PITPNB: variants seen among roughly 807,000 people sequenced by gnomAD.
PITPNB encodes phosphatidylinositol transfer protein beta.
Under a neutral mutation model 45.9 loss-of-function variants are expected in PITPNB, and 16 were observed. That is an observed-to-expected ratio of 0.35 (90% confidence interval 0.24 to 0.53). The LOEUF is 0.53. Ranked by LOEUF, PITPNB falls within the 20% of genes least tolerant of loss-of-function variation. The pLI is 0.93. For missense variants in PITPNB, 188 were observed against 330.5 expected (o/e 0.57, Z 3.34); for synonymous variants, 112 against 108.9 (o/e 1.03, Z -0.18).
intron 10 of PITPNB, among the ~76,000 whole-genome samples, chr22:27,856,315 G>A (rs913703464): frequency 4.6e-5 from 7 of 152,124 alleles, no homozygotes; most frequent in African/African-American, 1.2e-4. Context: ...CCTTCTTCTC[G>A]AGTGCAATTC....
At chr22:27,907,213 G>T (rs1272664600) in intron 3 of PITPNB, among the ~76,000 whole-genome samples, 1 of 152,242 alleles carries the variant, frequency 6.6e-6, no homozygotes, top group African/African-American at 2.4e-5. Context: ...CTATGGGTAT[G>T]TCTTCAGCAT....
chr22:27,893,784 T>A (rs538109654), intron 7 of PITPNB, among the ~76,000 whole-genome samples: 10 of 152,112 alleles, frequency 6.6e-5, no homozygotes, highest in Non-Finnish European at 1.2e-4. Context: ...AGAGACAGGA[T>A]CTCACTATGT....
At chr22:27,878,327 C>T (rs1223350644) in intron 7 of PITPNB, among the ~76,000 whole-genome samples, 1 of 152,070 alleles carries the variant, frequency 6.6e-6, no homozygotes, top group Non-Finnish European at 1.5e-5. Flanking sequence ...GAATAACTAA[C>T]TCAAGCTGAC....
intron 7 of PITPNB, among the ~76,000 whole-genome samples, chr22:27,880,032 T>C (rs1012390165): frequency 2.6e-5 from 4 of 152,210 alleles, no homozygotes; most frequent in Admixed American, 6.5e-5. Context: ...TGCTACCATT[T>C]TGAAGCACAC....
At chr22:27,903,596 G>A (rs1935671936) in intron 3 of PITPNB, among the ~76,000 whole-genome samples, 1 of 151,402 alleles carries the variant, frequency 6.6e-6, no homozygotes, top group Non-Finnish European at 1.5e-5. Flanking sequence ...GGGCAATACA[G>A]GGAGACCCCC....
intron 7 of PITPNB, among the ~76,000 whole-genome samples, chr22:27,884,423 C>T (rs1241174079): frequency 1.3e-5 from 2 of 152,200 alleles, no homozygotes; most frequent in Non-Finnish European, 1.5e-5. Context: ...AAACTTACTG[C>T]GTAGCCCACA....
At chr22:27,896,317 C>A (rs1935429602) in intron 6 of PITPNB, among the ~76,000 whole-genome samples, 1 of 152,180 alleles carries the variant, frequency 6.6e-6, no homozygotes, top group East Asian at 1.9e-4. Context: ...CTCTCCTTGT[C>A]TCGGATAAAG....
At chr22:27,883,074 TCAG>T (rs1186256357) in intron 7 of PITPNB, among the ~76,000 whole-genome samples, 1 of 152,184 alleles carries the variant, frequency 6.6e-6, no homozygotes, top group Non-Finnish European at 1.5e-5. Context: ...ACATCAGAGT[TCAG>T]CAGTTGTGGG....
At chr22:27,890,079 G>A (rs113115398) in intron 7 of PITPNB, among the ~76,000 whole-genome samples, 2,557 of 152,202 alleles carry the variant, frequency 0.017, 37 homozygotes, top group African/African-American at 0.038. Context: ...GTCAATGCCT[G>A]TGAAAGTGGA....
chr22:27,895,951 C>T (rs1935419166), intron 6 of PITPNB, among the ~76,000 whole-genome samples: 1 of 152,222 alleles, frequency 6.6e-6, no homozygotes, highest in Admixed American at 6.5e-5. Context: ...ACCTATACAA[C>T]AGGACTTCCC....
Position 27,911,044 on chromosome 22 carries a change from T to G in PITPNB, c.117A>C (p.Gly39=). The G allele has an allele frequency of 1.2e-6, 2 of 1,610,672 alleles. No individual in the cohort carries two copies. Among genetic ancestry groups the G allele is most frequent in the Non-Finnish European group, 1.7e-6 (2 of 1,176,890 alleles). ...ASKNETGGGE[G]IEVLKNEPYE... ...AAGGTTCATTCTTTAAGACTTCAAT[T>G]CCTTCTCCACCACCAGTCTCATTCT... is the stretch of plus-strand genomic sequence containing the variant. Residue 39 remains glycine (G), a synonymous_variant, in exon 3 of 12, where the codon GGA becomes GGC. Transcript: ENST00000335272.
At chr22:27,871,892 C>G (rs9620747) in intron 8 of PITPNB, among the ~76,000 whole-genome samples, 6,277 of 152,060 alleles carry the variant, frequency 0.041, 199 homozygotes, top group South Asian at 0.11. Context: ...TGAGCTCTCA[C>G]TCTGAGTTCA....
chr22:27,875,220 C>A (rs1456231651), intron 7 of PITPNB, among the ~76,000 whole-genome samples: 1 of 152,242 alleles, frequency 6.6e-6, no homozygotes, highest in Non-Finnish European at 1.5e-5. Flanking sequence ...AAAGGACCAA[C>A]AATAAGCTCA....
chr22:27,873,593 C>G, intron 8 of PITPNB, 145 bp downstream of exon 8: 1 of 599,886 alleles, frequency 1.7e-6, no homozygotes, highest in Non-Finnish European at 3.0e-6. Flanking sequence ...CCAACTGCAA[C>G]TGGCTGTAAG....
At chr22:27,898,124 C>T (rs1935486059) in intron 3 of PITPNB, 4 of 433,718 alleles carry the variant, frequency 9.2e-6, no homozygotes, top group Non-Finnish European at 1.7e-5. Context: ...GCCTGTAATC[C>T]TAGCATTTTG....
intron 3 of PITPNB, among the ~76,000 whole-genome samples, chr22:27,903,453 G>T (rs548810417): frequency 1.5e-5 from 2 of 136,970 alleles, no homozygotes; most frequent in South Asian, 4.7e-4. Context: ...TGGGCAACAA[G>T]AGTGAAACTG....
chr22:27,861,447 A>G (rs970518784), intron 8 of PITPNB, among the ~76,000 whole-genome samples: 1 of 152,176 alleles, frequency 6.6e-6, no homozygotes, highest in Non-Finnish European at 1.5e-5. Flanking sequence ...ATTTTCAGGA[A>G]GGAGTGAGTG....
intron 9 of PITPNB, among the ~76,000 whole-genome samples, chr22:27,859,167 T>C (rs1328167856): frequency 1.3e-5 from 2 of 152,206 alleles, no homozygotes; most frequent in Non-Finnish European, 2.9e-5. Flanking sequence ...TCTTCTTCCA[T>C]GAATAGAAAG....
chr22:27,896,145 G>C (rs73166746), intron 6 of PITPNB, among the ~76,000 whole-genome samples: 140 of 152,246 alleles, frequency 9.2e-4, no homozygotes, highest in Non-Finnish European at 1.7e-3. Flanking sequence ...TCTCTAACAT[G>C]AGCCCATACC....
Sources: gnomAD v4.1 joint callset for allele counts (sites outside exome capture counted in the v4.1 genomes callset) on GRCh38, gnomAD v4.1.1 for gene constraint, MANE v1.5 for transcripts, NCBI Gene and HGNC (gene_info 2026-07-23, HGNC 2026-07-21) for gene names.